Variants in PPM1K observed in about 807,000 individuals in gnomAD.
PPM1K encodes protein phosphatase Mn(2+)-dependent 1K.
A neutral mutation model predicts 32.6 loss-of-function variants in PPM1K; 19 were observed. The ratio of observed to expected loss-of-function variants is 0.58; its 90% confidence interval spans 0.41 to 0.86. The LOEUF (loss-of-function observed/expected upper bound fraction) is 0.86. Ranked by LOEUF, PPM1K falls within the 40% of genes least tolerant of loss-of-function variation. The probability of loss-of-function intolerance (pLI) is 0.00; values close to 1 mark genes in which losing one functional copy is unlikely to be tolerated. For synonymous variants in PPM1K, 159 were observed against 165.3 expected, an observed-to-expected ratio of 0.96 and a Z score of 0.29; for missense variants, 362 against 461.2, an observed-to-expected ratio of 0.78 and a Z score of 1.97.
intron 1 of PPM1K, among the ~76,000 whole-genome samples, chr4:88,280,768 G>A (rs1731975238): frequency 1.3e-5 from 2 of 152,118 alleles, no homozygotes; most frequent in Non-Finnish European, 2.9e-5. Flanking sequence ...CAGATTGCTT[G>A]AGCCTGGGAG....
chr4:88,277,000 A>G, intron 3 of PPM1K, 143 bp downstream of exon 3: 5 of 704,424 alleles, frequency 7.1e-6, no homozygotes, highest in Non-Finnish European at 1.2e-5. Flanking sequence ...GTGATTCTTC[A>G]TATAAACTCA....
chr4:88,282,395 A>G (rs755284366), intron 1 of PPM1K, among the ~76,000 whole-genome samples: 3 of 152,222 alleles, frequency 2.0e-5, no homozygotes, highest in Non-Finnish European at 4.4e-5. Context: ...ATATTTTAAG[A>G]AAGCATTCCT....
chr4:88,276,882 G>A, intron 3 of PPM1K: 1 of 913,322 alleles, frequency 1.1e-6, no homozygotes, highest in Non-Finnish European at 1.4e-6. Flanking sequence ...AAAAACTAAA[G>A]TACAACATCA....
At chr4:88,279,940 G>A (rs769981326) in intron 1 of PPM1K, among the ~76,000 whole-genome samples, 5 of 152,078 alleles carry the variant, frequency 3.3e-5, no homozygotes, top group Non-Finnish European at 7.4e-5. Flanking sequence ...ATGAAACCCA[G>A]CTTGAGTGCA....
chr4:88,259,627 ACTTAT>A lies in PPM1K; in HGVS notation c.*2963_*2967del, dbSNP rs1267674253. 3 of 152,116 alleles carry A rather than the reference ACTTAT, an allele frequency of 2.0e-5. No homozygotes were observed. The highest frequency in any genetic ancestry group is 4.4e-5 in the Non-Finnish European group (3 of 68,026). The allele number at this position is 152,116 out of a possible 1,614,324, so 9.4% of individuals were successfully genotyped here. ...TTTTCCAGTATCCTAATACATGCAT[ACTTAT>A]CTTTTATAGATTATAATAATCTACA... On this transcript the variant is annotated 3_prime_UTR_variant, in exon 7 of 7. Coordinates refer to ENST00000608933, the MANE Select transcript of PPM1K (RefSeq NM_152542.5).
rs1731892725 is a variant in PPM1K at position 88,278,660 on chromosome 4, C to T, written c.-59-18G>A. On this transcript the variant is annotated intron_variant, in intron 1 of 6. Transcript: ENST00000608933. The surrounding 1 kb of genome is among the most constrained non-coding windows in gnomAD (Gnocchi z 4.2). The stretch of plus-strand genomic sequence containing the variant: ...TGGAATGTCTTCAAGAAAAATGATG[C>T]AAGTCACAGGGGACAGAGGGAGAGA... 9.1e-6 allele frequency: 11 copies of T among 1,212,524 alleles called. No homozygotes were observed. The highest frequency in any genetic ancestry group is 2.4e-5 in the Admixed American group (1 of 41,656). The allele number at this position is 1,212,524 out of a possible 1,614,324, so 75.1% of individuals were successfully genotyped here.
chr4:88,271,925 G>A (rs140262289), intron 3 of PPM1K, among the ~76,000 whole-genome samples: 4 of 152,260 alleles, frequency 2.6e-5, no homozygotes, highest in Non-Finnish European at 4.4e-5. Context: ...CTAGCGAGAC[G>A]CATGTTTATA....
rs1254697668 is a variant in PPM1K, at chr4:88,278,086, A to C, written c.440+58T>G. The C allele has an allele frequency of 6.9e-7, 1 of 1,453,814 alleles. No homozygotes were observed. The highest frequency in any genetic ancestry group is 1.4e-5 in the African/African-American group (1 of 71,560). 90.1% of individuals were successfully genotyped at this position (1,453,814 alleles called of 1,614,324 possible). A position where few individuals can be genotyped will look rare whatever the true frequency, so the allele number is the denominator to read the frequency against. On this transcript the variant is annotated intron_variant, in intron 2 of 6. Transcript: ENST00000608933. This position sits in a 1 kb window ranked among gnomAD's most constrained non-coding sequence, Gnocchi z 4.2. ...GCTGGAAGCCTCAGCCAAAGGGTGA[A>C]AGTTTAAGTAGGAAGTATAGGAACT... is the stretch of plus-strand genomic sequence containing the variant.
rs571328677 is a variant in PPM1K, at chr4:88,261,267, G to A, written c.*1328C>T. 6.2e-4 allele frequency: 94 copies of A among 152,292 alleles called. No homozygotes were observed. Among genetic ancestry groups the A allele is most frequent in the African/African-American group, 2.2e-3 (91 of 41,572 alleles). 9.4% of individuals were successfully genotyped at this position (152,292 alleles called of 1,614,324 possible). A position where few individuals can be genotyped will look rare whatever the true frequency, so the allele number is the denominator to read the frequency against. Reference sequence around the variant, plus strand: ...GGAGAATGTTTTAATGGTCATTTTAGATTTATTCTTTCTCCTAAGTCTTAG... The same window carrying A: ...GGAGAATGTTTTAATGGTCATTTTAAATTTATTCTTTCTCCTAAGTCTTAG... On this transcript the variant is annotated 3_prime_UTR_variant, in exon 7 of 7. Transcript: ENST00000608933.
chr4:88,283,010 C>G (rs1035827211), intron 1 of PPM1K, among the ~76,000 whole-genome samples: 2 of 152,240 alleles, frequency 1.3e-5, no homozygotes, highest in Non-Finnish European at 2.9e-5. Context: ...CGAGAACTCA[C>G]TACTCAAATA....
intron 3 of PPM1K, chr4:88,276,092 C>T: frequency 1.0e-6 from 1 of 985,374 alleles, no homozygotes; most frequent in South Asian, 4.7e-5. Flanking sequence ...GAGTTACCTT[C>T]TCCTCTCCTC....
rs1731905111 is a variant in PPM1K at position 88,278,976 on chromosome 4, T to C, written c.-59-334A>G. ...CTCTTAAACTTGAACCTGCAATCAC[T>C]TGTTAAAATGCATGTTCTGACCCAG... is the stretch of plus-strand genomic sequence containing the variant. On this transcript the variant is annotated intron_variant, in intron 1 of 6. Coordinates refer to ENST00000608933, the MANE Select transcript of PPM1K (RefSeq NM_152542.5). The surrounding 1 kb of genome is among the most constrained non-coding windows in gnomAD (Gnocchi z 4.2). 5.5e-6 allele frequency: 1 copy of C among 180,870 alleles called. No homozygotes were observed. The allele number at this position is 180,870 out of a possible 1,614,324, so 11.2% of individuals were successfully genotyped here. A position where few individuals can be genotyped will look rare whatever the true frequency, so the allele number is the denominator to read the frequency against.
At chr4:88,281,999 A>T (rs1732032088) in intron 1 of PPM1K, among the ~76,000 whole-genome samples, 1 of 152,042 alleles carries the variant, frequency 6.6e-6, no homozygotes, top group South Asian at 2.1e-4. Flanking sequence ...GTGTTCTCTA[A>T]ACAAAAAGAG....
chr4:88,268,343 A>G lies in PPM1K; in HGVS notation c.708-9T>C. On this transcript the variant is annotated splice_polypyrimidine_tract_variant and intron_variant, in intron 4 of 6. Transcript: ENST00000608933. The stretch of plus-strand genomic sequence containing the variant: ...CACCACATTTCTTGATCCTGTTAAA[A>G]GTTAAATGACAATGGTGTGATATGT... 2 of 1,614,198 alleles carry G rather than the reference A, an allele frequency of 1.2e-6. No homozygotes were observed. Among genetic ancestry groups the G allele is most frequent in the Non-Finnish European group, 1.7e-6 (2 of 1,180,034 alleles).
intron 3 of PPM1K, among the ~76,000 whole-genome samples, chr4:88,270,696 AAG>A (rs1308216563): frequency 6.6e-6 from 1 of 152,198 alleles, no homozygotes; most frequent in Non-Finnish European, 1.5e-5. Flanking sequence ...GCCACAGTAA[AAG>A]AGTTAAAATT....
Position 88,277,193 on chromosome 4 carries a change from A to C in PPM1K, c.491T>G (p.Phe164Cys). The C allele has an allele frequency of 6.2e-7, 1 of 1,614,168 alleles. No individual in the cohort carries two copies. The highest frequency in any genetic ancestry group is 8.5e-7 in the Non-Finnish European group (1 of 1,179,988). ...CGAAAAGGCTTTATCTATTTCTAGA[A>C]AAGCCAAGGTCAACAGAGTTTCCAA... ...KNLETLLTLA[F>C]LEIDKAFSSH... The change falls in exon 3 of 7, where the codon TTT becomes TGT. Residue 164 changes from phenylalanine to cysteine, a missense_variant. By Grantham distance (205) the Phe-to-Cys change is radical. Coordinates refer to ENST00000608933, the MANE Select transcript of PPM1K (RefSeq NM_152542.5).
At position 88,284,440 on chromosome 4, in the gene PPM1K, T is replaced by C. The variant is rs1463888085; in HGVS notation, c.-94A>G. 1.3e-5 allele frequency: 2 copies of C among 152,326 alleles called. No individual in the cohort carries two copies. The highest frequency in any genetic ancestry group is 2.4e-5 in the African/African-American group (1 of 41,470). 9.4% of individuals were successfully genotyped at this position (152,326 alleles called of 1,614,324 possible). ...GCTACGTCCCTGAAAAATGTTTTAA[T>C]TAGCTAACGGAGGACGGGGGAGGAG... On this transcript the variant is annotated 5_prime_UTR_variant, in exon 1 of 7. Coordinates refer to ENST00000608933, the MANE Select transcript of PPM1K (RefSeq NM_152542.5).
At chr4:88,277,536 G>T in intron 2 of PPM1K, 1 of 309,206 alleles carries the variant, frequency 3.2e-6, no homozygotes. Context: ...GTTCTTTCGT[G>T]GAATGCGGTA....
chr4:88,269,761 A>G (rs1326606404), intron 3 of PPM1K, among the ~76,000 whole-genome samples: 2 of 152,194 alleles, frequency 1.3e-5, no homozygotes, highest in Admixed American at 6.5e-5. Context: ...AGAGCATCCC[A>G]CAAATATGAA....
Sources: gnomAD v4.1 joint callset for allele counts (sites outside exome capture counted in the v4.1 genomes callset) on GRCh38, gnomAD v4.1.1 for gene constraint, Gnocchi (gnomAD v3.1) non-coding constraint, MANE v1.5 for transcripts, NCBI Gene and HGNC (gene_info 2026-07-23, HGNC 2026-07-21) for gene names.